Variants in ZFHX3 observed in about 807,000 individuals in gnomAD.
The protein encoded by ZFHX3 is zinc finger homeobox 3, also known as zinc finger homeobox protein 3.
A neutral mutation model predicts 279.1 loss-of-function variants in ZFHX3; 42 were observed. That is an observed-to-expected ratio of 0.15 (90% CI 0.12 to 0.19). The LOEUF is 0.19. ZFHX3 is among the 10% of genes least tolerant of loss of function. ZFHX3 has a pLI of 1.00. For missense variants in ZFHX3, 4,981 were observed against 4,754.0 expected (o/e 1.05, Z -1.40); for synonymous variants, 2,293 against 1,957.8 (o/e 1.17, Z -4.52).
chr16:73,100,292 C>T (rs1966214628), intron 7 of ZFHX3, among the ~76,000 whole-genome samples: 2 of 152,166 alleles, frequency 1.3e-5, no homozygotes, highest in Admixed American at 1.3e-4. Context: ...TAGAACAGCC[C>T]AAAGCCCATG....
intron 2 of ZFHX3, among the ~76,000 whole-genome samples, chr16:73,641,765 G>C (rs974549606): frequency 6.6e-6 from 1 of 152,110 alleles, no homozygotes; most frequent in Non-Finnish European, 1.5e-5. Flanking sequence ...AATAGGATTG[G>C]GGTGGGAGAT....
chr16:73,749,146 C>A (rs1217907685), intron 1 of ZFHX3, among the ~76,000 whole-genome samples: 1 of 152,120 alleles, frequency 6.6e-6, no homozygotes, highest in African/African-American at 2.4e-5. Context: ...TAGATCCCGC[C>A]ATATTGGACC....
At chr16:73,745,629 T>C (rs1406430648) in intron 1 of ZFHX3, among the ~76,000 whole-genome samples, 2 of 152,232 alleles carry the variant, frequency 1.3e-5, no homozygotes, top group African/African-American at 4.8e-5. Context: ...CCACCTGTCA[T>C]TTTGAGACAA....
At chr16:72,915,808 T>C (rs1224645843) in intron 3 of ZFHX3, among the ~76,000 whole-genome samples, 2 of 151,562 alleles carry the variant, frequency 1.3e-5, no homozygotes, top group Non-Finnish European at 2.9e-5. Flanking sequence ...TAAAAGCACA[T>C]ATAATCATTT....
intron 3 of ZFHX3, among the ~76,000 whole-genome samples, chr16:73,346,178 C>G (rs1344793680): frequency 1.3e-5 from 2 of 152,114 alleles, no homozygotes; most frequent in Non-Finnish European, 2.9e-5. Context: ...ATTCAGATGC[C>G]CAGACAAAGT....
intron 1 of ZFHX3, among the ~76,000 whole-genome samples, chr16:73,743,436 G>T (rs1403724344): frequency 6.6e-6 from 1 of 152,134 alleles, no homozygotes; most frequent in East Asian, 1.9e-4. Flanking sequence ...TTTGGTCAAA[G>T]GATATGAGCA....
At chr16:73,145,892 A>G (rs892845455) in intron 5 of ZFHX3, among the ~76,000 whole-genome samples, 7 of 152,226 alleles carry the variant, frequency 4.6e-5, no homozygotes, top group African/African-American at 9.6e-5. Context: ...AAGGCAATCA[A>G]TGTGTTCTGG....
At chr16:73,232,134 G>A (rs1301825353) in intron 5 of ZFHX3, 1 of 152,144 alleles carries the variant, frequency 6.6e-6, no homozygotes, top group Admixed American at 6.6e-5. Context: ...GCACACCCTG[G>A]TTCGCACGCA....
chr16:73,823,309 A>G (rs1216096256), intron 1 of ZFHX3, among the ~76,000 whole-genome samples: 1 of 152,184 alleles, frequency 6.6e-6, no homozygotes, highest in African/African-American at 2.4e-5. Flanking sequence ...GAGAGGCCAC[A>G]GTGGAGGGAA....
intron 3 of ZFHX3, among the ~76,000 whole-genome samples, chr16:72,910,188 C>A (rs1307892663): frequency 2.0e-5 from 3 of 152,152 alleles, no homozygotes; most frequent in African/African-American, 7.2e-5. Flanking sequence ...CTGTAACTGA[C>A]GCCACTTTGA....
At chr16:72,932,225 GAAAC>G (rs747802893) in intron 3 of ZFHX3, among the ~76,000 whole-genome samples, 2 of 152,056 alleles carry the variant, frequency 1.3e-5, no homozygotes, top group Non-Finnish European at 2.9e-5. Context: ...TATTTAAAAA[GAAAC>G]AAACAAATAC....
rs372338040 is a variant in ZFHX3 at position 73,121,764 on chromosome 16, T to C, written c.-897+9204A>G. On this transcript the variant is annotated intron_variant, in intron 7 of 17. Coordinates refer to the ZFHX3 transcript ENST00000641206. ...CCAAGTAGCTGGGACTACAGGCGCC[T>C]GCCACCACACCCGGCTAATTTTTTG... Among the ~76,000 whole-genome samples, 12 of 152,002 alleles carry C rather than the reference T, an allele frequency of 7.9e-5. 1 individual carries two copies. The highest frequency in any genetic ancestry group is 1.9e-4 in the East Asian group (1 of 5,150).
Position 72,959,082 on chromosome 16 carries a change from G to A in ZFHX3, c.1064C>T (p.Ala355Val), listed in dbSNP as rs2144449099. The A allele has an allele frequency of 6.2e-7, 1 of 1,614,228 alleles. No homozygotes were observed. ...KNFQHPLVST[A>V]NLIGPGHSFY... ...ACTGTGTCCGGGGCCTATGAGGTTA[G>A]CTGTGGAAACTAAAGGGTGTTGAAA... The change falls in exon 2 of 10, where the codon GCT (alanine) becomes GTT (valine). Residue 355 changes from alanine to valine, a missense_variant. Around this residue, in one of 7 missense-constraint regions of ZFHX3, gnomAD observed 1,068 missense variants for 935.2 expected, o/e 1.14. Transcript: ENST00000268489.
intron 2 of ZFHX3, among the ~76,000 whole-genome samples, chr16:73,564,396 T>C (rs1246099838): frequency 2.0e-5 from 3 of 152,198 alleles, no homozygotes; most frequent in Non-Finnish European, 4.4e-5. Context: ...CCCTGCTTCA[T>C]CTCCATTATC....
chr16:73,566,943 C>G (rs2020460603), intron 2 of ZFHX3, among the ~76,000 whole-genome samples: 1 of 152,192 alleles, frequency 6.6e-6, no homozygotes. Flanking sequence ...AGGTGATCCG[C>G]CTGCCTTGGC....
intron 1 of ZFHX3, among the ~76,000 whole-genome samples, chr16:72,977,768 A>G (rs1449522069): frequency 6.6e-6 from 1 of 152,150 alleles, no homozygotes; most frequent in African/African-American, 2.4e-5. Flanking sequence ...TCTGTGCACA[A>G]TTTCAAACCA....
chr16:73,696,786 G>C (rs1304724901), intron 1 of ZFHX3, among the ~76,000 whole-genome samples: 8 of 152,100 alleles, frequency 5.3e-5, no homozygotes, highest in Admixed American at 5.2e-4. Flanking sequence ...CATTCCATCT[G>C]CTTGGCTGTG....
At chr16:73,205,088 G>A (rs754752647) in intron 5 of ZFHX3, among the ~76,000 whole-genome samples, 1 of 152,124 alleles carries the variant, frequency 6.6e-6, no homozygotes, top group Non-Finnish European at 1.5e-5. Context: ...GCTGCTCAGA[G>A]ATTCAGAGTC....
intron 1 of ZFHX3, among the ~76,000 whole-genome samples, chr16:73,853,397 G>A (rs1283737332): frequency 6.6e-6 from 1 of 152,136 alleles, no homozygotes; most frequent in African/African-American, 2.4e-5. Flanking sequence ...AATTCCCATA[G>A]CAAAGTCATG....
Sources: gnomAD v4.1 joint callset for allele counts (sites outside exome capture counted in the v4.1 genomes callset) on GRCh38, gnomAD v4.1.1 for gene constraint, gnomAD v4.1.1 regional missense constraint, MANE v1.5 for transcripts, NCBI Gene and HGNC (gene_info 2026-07-23, HGNC 2026-07-21) for gene names.